The following REXO4 variants were observed in gnomAD, a reference collection of about 807,000 sequenced individuals.
REXO4 encodes the protein RNA exonuclease 4.
A neutral mutation model predicts 39.9 loss-of-function variants in REXO4; 29 were observed. The ratio of observed to expected loss-of-function variants is 0.73; its 90% CI spans 0.54 to 0.99. The LOEUF (loss-of-function observed/expected upper bound fraction) is 0.99. Among genes scored for constraint, REXO4 ranks in the 50% least tolerant of loss-of-function variants. The pLI, the probability that REXO4 is intolerant of heterozygous loss-of-function variation, is 0.00. For synonymous variants in REXO4, 184 were observed against 206.2 expected (o/e 0.89, Z 0.92); for missense variants, 524 against 546.5 (o/e 0.96, Z 0.41).
chr9:133,411,124 C>G (rs587601478), intron 4 of REXO4, 51 bp from the exon 5 acceptor site: 1 of 1,483,042 alleles, frequency 6.7e-7, no homozygotes, highest in East Asian at 2.3e-5. Context: ...ACATCACCAT[C>G]ATTCTGTGAG....
At chr9:133,411,129 T>C in intron 4 of REXO4, 56 bp from the exon 5 acceptor site, 2 of 1,429,260 alleles carry the variant, frequency 1.4e-6, no homozygotes, top group Non-Finnish European at 2.0e-6. Flanking sequence ...ACCATCATTC[T>C]GTGAGGAGGC....
At chr9:133,408,141 G>A (rs1431893349) in intron 6 of REXO4, among the ~76,000 whole-genome samples, 1 of 152,096 alleles carries the variant, frequency 6.6e-6, no homozygotes, top group Non-Finnish European at 1.5e-5. Flanking sequence ...CCATCTTGAG[G>A]CCTCCCTGCT....
chr9:133,411,176 T>C (rs1839193982), intron 4 of REXO4, 103 bp from the exon 5 acceptor site: 18 of 911,832 alleles, frequency 2.0e-5, no homozygotes, highest in Middle Eastern at 2.1e-4. Context: ...CTAAGACAAA[T>C]GGTCAGGCCT....
At chr9:133,412,079 T>C (rs1184478556) in intron 4 of REXO4, among the ~76,000 whole-genome samples, 2 of 152,070 alleles carry the variant, frequency 1.3e-5, no homozygotes, top group African/African-American at 2.4e-5. Context: ...TGGCCTGGTC[T>C]TGAAGTCAGC....
chr9:133,412,690 G>T, intron 3 of REXO4, 88 bp downstream of exon 3: 1 of 1,550,966 alleles, frequency 6.4e-7, no homozygotes. Context: ...TTCACCTCAG[G>T]GAGAGGAAAG....
At position 133,417,985 on chromosome 9, in the gene REXO4, G is replaced by A. The variant is rs992498972; in HGVS notation, c.-141C>T. On this transcript the variant is annotated 5_prime_UTR_variant, in exon 1 of 8. Coordinates refer to ENST00000371942, the MANE Select transcript of REXO4 (RefSeq NM_020385.4). ...GGACCCCGTCCAGGAAAAGACTCCGGAAGAGACCCCGCACGCGTTGCGCAT... is the reference window on the plus strand; with the variant it reads ...GGACCCCGTCCAGGAAAAGACTCCGAAAGAGACCCCGCACGCGTTGCGCAT... The A allele has an allele frequency of 1.3e-5, 10 of 742,146 alleles. No individual in the cohort carries two copies. In the African/African-American group the frequency reaches 1.8e-4, roughly 13 times the overall value. The allele number at this position is 742,146 out of a possible 1,614,324, so 46.0% of individuals were successfully genotyped here. A position where few individuals can be genotyped will look rare whatever the true frequency, so the allele number is the denominator to read the frequency against.
rs782452078 is a variant in REXO4 at position 133,407,036 on chromosome 9, T to C, written c.1186A>G (p.Met396Val). 2 of 1,613,392 alleles carry C rather than the reference T, an allele frequency of 1.2e-6. No individual in the cohort carries two copies. The highest frequency in any genetic ancestry group is 2.2e-5 in the South Asian group (2 of 91,088). Reference protein sequence around the residue: ...DAQAAMRLYVMVKKEWESMAR... With the variant: ...DAQAAMRLYVVVKKEWESMAR... ...ATGCTCTCCCACTCCTTCTTCACCA[T>C]GACGTACAGCCTCATTGCTGCCTGG... Residue 396 changes from methionine to valine, a missense_variant, in exon 8 of 8, where the codon ATG becomes GTG. Coordinates refer to ENST00000371942, the MANE Select transcript of REXO4 (RefSeq NM_020385.4).
At position 133,406,982 on chromosome 9, in the gene REXO4, C is replaced by A. The variant is rs1554778972; in HGVS notation, c.1240G>T (p.Ala414Ser). The change falls in exon 8 of 8, where the codon GCT (alanine) becomes TCT (serine). Residue 414 changes from alanine to serine, a missense_variant. Physicochemically the swap from Ala to Ser is moderately conservative, Grantham distance 99. Transcript: ENST00000371942. ...GCGTCGTCACTGCAGTGGTCTGGAG[C>A]AGTCAGCAGGGGGCGCCTGTCTCGG... The part of the protein sequence containing the change: ...MARDRRPLLT[A>S]PDHCSDDA 1.2e-6 allele frequency: 2 copies of A among 1,612,370 alleles called. No homozygotes were observed. The highest frequency in any genetic ancestry group is 1.3e-5 in the African/African-American group (1 of 74,922).
chr9:133,408,900 C>T (rs782376042), intron 5 of REXO4, 58 bp from the exon 6 acceptor site: 69 of 1,023,232 alleles, frequency 6.7e-5, no homozygotes, highest in Non-Finnish European at 9.9e-5. Flanking sequence ...GTAGCAGAAC[C>T]CCCTCCCCCC....
At position 133,417,840 on chromosome 9, in the gene REXO4, C is replaced by G; in HGVS notation, c.5G>C (p.Gly2Ala). The G allele has an allele frequency of 6.3e-7, 1 of 1,599,664 alleles. No homozygotes were observed. The highest frequency in any genetic ancestry group is 8.5e-7 in the Non-Finnish European group (1 of 1,179,458). Reference protein sequence around the residue: MGKAKVPASKRA... With the variant: MAKAKVPASKRA... ...CTTGGAGGCGGGGACCTTCGCCTTC[C>G]CCATCCTGCTGCCGTCCAGCGCCTG... is the stretch of plus-strand genomic sequence containing the variant. The change falls in exon 1 of 8, where the codon GGG (glycine) becomes GCG (alanine). Residue 2 changes from glycine to alanine, a missense_variant. Transcript: ENST00000371942.
chr9:133,411,390 C>T (rs1015205996), intron 4 of REXO4, among the ~76,000 whole-genome samples: 6 of 152,270 alleles, frequency 3.9e-5, no homozygotes, highest in Non-Finnish European at 7.3e-5. Context: ...TTAGAGCCGC[C>T]TGGCAGCGTG....
In REXO4 at chr9:133,412,842, T is replaced by G; in HGVS notation, c.652A>C (p.Lys218Gln). ...CTGCCCTCGCTCTGACCCAACTGTT[T>G]CCTCGCTATCTTGGCCGCCTCTGGA... The part of the protein sequence containing the change: ...IGPEAAKIAR[K>Q]QLGQSEGSVS... The change falls in exon 3 of 8, where the codon AAA (lysine) becomes CAA (glutamine). Residue 218 changes from lysine to glutamine, a missense_variant. Transcript: ENST00000371942. The G allele has an allele frequency of 6.2e-7, 1 of 1,614,076 alleles. No individual in the cohort carries two copies. The highest frequency in any genetic ancestry group is 8.5e-7 in the Non-Finnish European group (1 of 1,180,010).
intron 2 of REXO4, among the ~76,000 whole-genome samples, chr9:133,413,981 G>GT (rs1358542926): frequency 1.3e-5 from 2 of 152,248 alleles, no homozygotes; most frequent in Non-Finnish European, 2.9e-5. Context: ...GAAGCCAGCT[G>GT]TAACTTATGA....
chr9:133,406,668 G>T lies in REXO4; in HGVS notation c.*285C>A, dbSNP rs2285482. On this transcript the variant is annotated 3_prime_UTR_variant, in exon 8 of 8. Coordinates refer to ENST00000371942, the MANE Select transcript of REXO4 (RefSeq NM_020385.4). ...CGGCCCACAGGCCCCAACCTCACCT[G>T]GCCCAGGGGGTCAGCAGTCGGTAAA... is the stretch of plus-strand genomic sequence containing the variant. 0.084 allele frequency: 37,983 copies of T among 454,086 alleles called. 2,030 individuals are homozygous for T. Among genetic ancestry groups the T allele is most frequent in the African/African-American group, 0.18 (9,139 of 50,638 alleles). 28.1% of individuals were successfully genotyped at this position (454,086 alleles called of 1,614,324 possible). A position where few individuals can be genotyped will look rare whatever the true frequency, so the allele number is the denominator to read the frequency against.
At chr9:133,408,950 G>A in intron 5 of REXO4, 108 bp from the exon 6 acceptor site, 1 of 474,608 alleles carries the variant, frequency 2.1e-6, no homozygotes, top group Non-Finnish European at 3.8e-6. Context: ...GTGTGTGTGT[G>A]TGTGTGTGTG....
At chr9:133,409,403 A>G (rs1371318605) in intron 5 of REXO4, among the ~76,000 whole-genome samples, 3 of 152,218 alleles carry the variant, frequency 2.0e-5, no homozygotes, top group Non-Finnish European at 2.9e-5. Context: ...CAATAAAAAC[A>G]AAATCTTGAA....
chr9:133,418,157 C>T (rs1588145207), upstream of REXO4: 1 of 411,248 alleles, frequency 2.4e-6, no homozygotes, highest in South Asian at 3.2e-5. Flanking sequence ...CATCCGGGGT[C>T]ATCGACCTCG....
chr9:133,414,495 C>T (rs782815012), intron 2 of REXO4, 170 bp downstream of exon 2: 4 of 729,302 alleles, frequency 5.5e-6, no homozygotes, highest in Non-Finnish European at 9.8e-6. Flanking sequence ...CCTGCCTTAT[C>T]ATGCGCACAC....
At chr9:133,412,535 C>T (rs1162470513) in intron 3 of REXO4, 43 bp from the exon 4 acceptor site, 3 of 1,600,152 alleles carry the variant, frequency 1.9e-6, no homozygotes. Flanking sequence ...ACACGGCAGG[C>T]CACAGGGCTC....
Sources: allele counts gnomAD v4.1 joint callset (sites outside exome capture counted in the v4.1 genomes callset), GRCh38; gene constraint gnomAD v4.1.1; transcripts MANE v1.5; gene names NCBI Gene and HGNC (gene_info 2026-07-23, HGNC 2026-07-21).